Variants in TGM7 observed in about 807,000 individuals in gnomAD.
The protein encoded by TGM7 is transglutaminase 7.
In TGM7, 74 loss-of-function variants were observed where a neutral mutation model predicts 79.5. That is an observed-to-expected ratio of 0.93 (90% confidence interval 0.77 to 1.13). The LOEUF is 1.13. TGM7 is among the 50% of genes most tolerant of loss of function. TGM7 has a pLI of 0.00. For missense variants in TGM7, 912 were observed against 905.9 expected (o/e 1.01, Z -0.09); for synonymous variants, 354 against 362.5 (o/e 0.98, Z 0.27).
At chr15:43,278,050 C>CCAACACTGTGTGCCCCAGCAGCTGG (rs2042886859) in intron 11 of TGM7, among the ~76,000 whole-genome samples, 1 of 152,250 alleles carries the variant, frequency 6.6e-6, no homozygotes, top group Non-Finnish European at 1.5e-5. Context: ...ACTGTTTGCC[C>CCAACACTGTGTGCCCCAGCAGCTGG]CAGCACAGAG....
chr15:43,291,955 GC>G (rs1293883101), intron 4 of TGM7, 23 bp downstream of exon 4: 1 of 1,577,982 alleles, frequency 6.3e-7, no homozygotes, highest in East Asian at 2.2e-5. Flanking sequence ...CCCACCCCAG[GC>G]CCACATTGGG....
chr15:43,285,343 C>T (rs1396041224), intron 6 of TGM7, among the ~76,000 whole-genome samples: 4 of 152,118 alleles, frequency 2.6e-5, no homozygotes, highest in Non-Finnish European at 5.9e-5. Context: ...CTCAGCCTGG[C>T]CAACATGGGG....
chr15:43,300,733 G>A (rs922731726), intron 1 of TGM7, among the ~76,000 whole-genome samples: 3 of 152,260 alleles, frequency 2.0e-5, no homozygotes, highest in East Asian at 1.9e-4. Flanking sequence ...CCCTGGAGGC[G>A]GAGCTTGCAG....
chr15:43,277,023 T>C, intron 11 of TGM7, 28 bp from the exon 12 acceptor site: 3 of 1,611,490 alleles, frequency 1.9e-6, no homozygotes, highest in Non-Finnish European at 1.7e-6. Context: ...AGCAATCCCA[T>C]GGGCAACTGG....
intron 9 of TGM7, among the ~76,000 whole-genome samples, chr15:43,281,601 C>T (rs1372215197): frequency 6.6e-6 from 1 of 152,146 alleles, no homozygotes; most frequent in East Asian, 1.9e-4. Context: ...ACATATATTA[C>T]ACAAATAAAA....
intron 1 of TGM7, among the ~76,000 whole-genome samples, chr15:43,296,022 T>C (rs1256714723): frequency 1.3e-5 from 2 of 152,158 alleles, no homozygotes; most frequent in Non-Finnish European, 2.9e-5. Context: ...AGGTAGCCTG[T>C]AATAAGAAAA....
intron 1 of TGM7, among the ~76,000 whole-genome samples, chr15:43,295,863 C>G (rs979242081): frequency 4.6e-5 from 7 of 152,186 alleles, no homozygotes; most frequent in Admixed American, 4.6e-4. Context: ...TGTTAAACCT[C>G]TTGATGTGTT....
At chr15:43,292,660 GC>G (rs1351026386) in intron 3 of TGM7, 48 bp downstream of exon 3, 3 of 1,602,654 alleles carry the variant, frequency 1.9e-6, no homozygotes, top group Non-Finnish European at 2.6e-6. Flanking sequence ...ACCTCACAGG[GC>G]CTTCCCAATG....
Position 43,292,852 on chromosome 15 carries a change from T to C in TGM7, c.296A>G (p.Asn99Ser), listed in dbSNP as rs1009827141. 1 of 1,613,682 alleles carries C rather than the reference T, an allele frequency of 6.2e-7. No homozygotes were observed. The highest frequency in any genetic ancestry group is 2.2e-5 in the East Asian group (1 of 44,866). The change falls in exon 3 of 13, where the codon AAC becomes AGC. Residue 99 changes from asparagine to serine, a missense_variant. Coordinates refer to ENST00000452443, the MANE Select transcript of TGM7 (RefSeq NM_052955.3). Reference sequence around the variant, plus strand: ...TGTGAAAAGGGAAACTTGGAGAGAGTTGGAGTCAATGGTGAAATCAGAAGC... The same window carrying C: ...TGTGAAAAGGGAAACTTGGAGAGAGCTGGAGTCAATGGTGAAATCAGAAGC... Reference protein sequence around the residue: ...WSASDFTIDSNSLQVSLFTPA... With the variant: ...WSASDFTIDSSSLQVSLFTPA...
intron 7 of TGM7, among the ~76,000 whole-genome samples, chr15:43,283,867 C>T (rs779082943): frequency 1.3e-5 from 2 of 152,158 alleles, no homozygotes; most frequent in African/African-American, 2.4e-5. Context: ...AGCTCAGAGA[C>T]GGAGGGGGCT....
intron 7 of TGM7, among the ~76,000 whole-genome samples, chr15:43,282,906 TG>T (rs1017671374): frequency 2.0e-5 from 3 of 151,968 alleles, no homozygotes; most frequent in African/African-American, 7.3e-5. Flanking sequence ...AAAAAGTAGC[TG>T]GGCATGGTGG....
intron 1 of TGM7, among the ~76,000 whole-genome samples, chr15:43,294,767 A>G (rs2042984314): frequency 6.6e-6 from 1 of 152,150 alleles, no homozygotes; most frequent in African/African-American, 2.4e-5. Flanking sequence ...GACATTTTTT[A>G]CTGGGAAGAG....
chr15:43,296,330 C>G (rs904753389), intron 1 of TGM7, among the ~76,000 whole-genome samples: 59 of 148,226 alleles, frequency 4.0e-4, no homozygotes, highest in African/African-American at 1.5e-3. Flanking sequence ...GAGGCTGAGG[C>G]AGGAGAATGG....
Position 43,302,130 on chromosome 15 carries a change from A to G in TGM7, c.10+111T>C, listed in dbSNP as rs1172555455. On this transcript the variant is annotated intron_variant, in intron 1 of 12. Coordinates refer to ENST00000452443, the MANE Select transcript of TGM7 (RefSeq NM_052955.3). ...AGCCGTATTGCACAATGAACTACCA[A>G]TCATCAATCCAGGCTCTCCTGTCGC... is the stretch of plus-strand genomic sequence containing the variant. The G allele has an allele frequency of 1.0e-5, 13 of 1,285,504 alleles. No homozygotes were observed. The Middle Eastern group carries it at 1.1e-3, about 109-fold the overall frequency. 79.6% of individuals were successfully genotyped at this position (1,285,504 alleles called of 1,614,324 possible). A position where few individuals can be genotyped will look rare whatever the true frequency, so the allele number is the denominator to read the frequency against.
chr15:43,293,748 A>T, intron 1 of TGM7, 117 bp from the exon 2 acceptor site: 4 of 43,658 alleles, frequency 9.2e-5, no homozygotes, highest in Non-Finnish European at 1.8e-4. Flanking sequence ...TGCGGGGGGT[A>T]GGTGGGGCGT....
At chr15:43,276,693 G>A (rs2042879432) in intron 12 of TGM7, 79 bp from the exon 13 acceptor site, 4 of 1,550,240 alleles carry the variant, frequency 2.6e-6, no homozygotes, top group Non-Finnish European at 1.7e-6. Flanking sequence ...CCTCTGGGTG[G>A]GTAAGAGGCT....
chr15:43,286,269 C>T (rs925053353), intron 6 of TGM7, among the ~76,000 whole-genome samples: 1 of 152,144 alleles, frequency 6.6e-6, no homozygotes, highest in Non-Finnish European at 1.5e-5. Flanking sequence ...CCCTGTAACT[C>T]GAGCGCCTGG....
At chr15:43,296,086 T>A (rs2042990416) in intron 1 of TGM7, among the ~76,000 whole-genome samples, 1 of 152,170 alleles carries the variant, frequency 6.6e-6, no homozygotes, top group African/African-American at 2.4e-5. Context: ...ACAAGGACAA[T>A]TTTATGTGTA....
intron 9 of TGM7, among the ~76,000 whole-genome samples, chr15:43,280,487 G>A (rs1167253298): frequency 6.6e-6 from 1 of 152,176 alleles, no homozygotes; most frequent in East Asian, 1.9e-4. Flanking sequence ...GCTGGGCATG[G>A]TGATGGGTGC....
Sources: allele counts gnomAD v4.1 joint callset (sites outside exome capture counted in the v4.1 genomes callset), GRCh38; gene constraint gnomAD v4.1.1; transcripts MANE v1.5; gene names NCBI Gene and HGNC (gene_info 2026-07-23, HGNC 2026-07-21).